The following CNTNAP2 variants were observed in gnomAD, a reference collection of about 807,000 sequenced individuals.
CNTNAP2 encodes contactin-associated protein-like 2.
A neutral mutation model predicts 155.2 loss-of-function variants in CNTNAP2; 98 were observed. The ratio of observed to expected loss-of-function variants is 0.63; its 90% CI spans 0.54 to 0.75. The LOEUF (loss-of-function observed/expected upper bound fraction) is 0.75. Ranked by LOEUF, CNTNAP2 falls within the 30% of genes least tolerant of loss-of-function variation. The probability of loss-of-function intolerance (pLI) is 0.00; values close to 1 mark genes in which losing one functional copy is unlikely to be tolerated. For missense variants in CNTNAP2, 1,727 were observed against 1,688.1 expected, an observed-to-expected ratio of 1.02 and a Z score of -0.40; for synonymous variants, 651 against 631.2, an observed-to-expected ratio of 1.03 and a Z score of -0.47.
At chr7:147,732,759 GT>G (rs1796766133) in intron 13 of CNTNAP2, among the ~76,000 whole-genome samples, 1 of 152,146 alleles carries the variant, frequency 6.6e-6, no homozygotes, top group Non-Finnish European at 1.5e-5. Flanking sequence ...TCTCATTGTG[GT>G]TTTGATTTGC....
chr7:148,413,401 A>AAAAAAAAAT (rs1442990213), intron 23 of CNTNAP2, among the ~76,000 whole-genome samples: 2 of 45,376 alleles, frequency 4.4e-5, no homozygotes, highest in African/African-American at 2.5e-4. Context: ...TCAAAAAAAA[A>AAAAAAAAAT]ATATATATAT....
intron 13 of CNTNAP2, among the ~76,000 whole-genome samples, chr7:147,688,404 T>C (rs147158438): frequency 0.016 from 2,507 of 152,280 alleles, 223 homozygotes; most frequent in Admixed American, 0.15. Context: ...GCATGCATGC[T>C]AACTTCACAT....
rs58497683 is a variant in CNTNAP2, at chr7:146,439,347, C to CA, written c.97+322375dup. ...GCCACTAACTTCTTTGACATGAAAA[C>CA]ATTTCTTATTCTTTATTTCTCATAC... On this transcript the variant is annotated intron_variant, in intron 1 of 23. Coordinates refer to ENST00000361727, the MANE Select transcript of CNTNAP2 (RefSeq NM_014141.6). Among the ~76,000 whole-genome samples, 11 of 151,592 alleles carry CA rather than the reference C, an allele frequency of 7.3e-5. No homozygotes were observed. In the South Asian group the frequency reaches 2.3e-3, roughly 31 times the overall value.
At chr7:148,411,781 G>GT (rs1322993622) in intron 23 of CNTNAP2, among the ~76,000 whole-genome samples, 4 of 92,796 alleles carry the variant, frequency 4.3e-5, no homozygotes, top group South Asian at 4.0e-4. Flanking sequence ...AAGACCATTT[G>GT]TTGAAAAAAA....
At chr7:146,597,036 C>T (rs992325230) in intron 1 of CNTNAP2, among the ~76,000 whole-genome samples, 1 of 151,812 alleles carries the variant, frequency 6.6e-6, no homozygotes. Context: ...TCAAAAATAA[C>T]CAGGAAAAAA....
At chr7:147,319,509 C>G (rs2116816676) in intron 9 of CNTNAP2, among the ~76,000 whole-genome samples, 1 of 152,266 alleles carries the variant, frequency 6.6e-6, no homozygotes, top group East Asian at 1.9e-4. Context: ...TCCCTAGTAG[C>G]TGGGACTATA....
At chr7:146,622,606 C>T (rs1799346838) in intron 1 of CNTNAP2, among the ~76,000 whole-genome samples, 1 of 152,054 alleles carries the variant, frequency 6.6e-6, no homozygotes, top group South Asian at 2.1e-4. Flanking sequence ...ATTACCATGT[C>T]AATCATTCTA....
At chr7:147,590,466 T>C (rs1276940514) in intron 12 of CNTNAP2, among the ~76,000 whole-genome samples, 2 of 152,180 alleles carry the variant, frequency 1.3e-5, no homozygotes, top group Non-Finnish European at 2.9e-5. Context: ...TCATTCTCTC[T>C]CCTGCTGCCC....
At chr7:148,090,106 C>T (rs1803810001) in intron 15 of CNTNAP2, among the ~76,000 whole-genome samples, 1 of 151,776 alleles carries the variant, frequency 6.6e-6, no homozygotes, top group Non-Finnish European at 1.5e-5. Flanking sequence ...AAATCAATTC[C>T]AAATGAATTA....
chr7:146,663,466 G>T (rs549130198), intron 1 of CNTNAP2, among the ~76,000 whole-genome samples: 2 of 151,360 alleles, frequency 1.3e-5, no homozygotes, highest in Non-Finnish European at 2.9e-5. Flanking sequence ...GTATAATTCA[G>T]TTTGGAGGAT....
At chr7:146,337,624 TTTTG>T (rs1554418973) in intron 1 of CNTNAP2, among the ~76,000 whole-genome samples, 4 of 151,634 alleles carry the variant, frequency 2.6e-5, no homozygotes, top group Admixed American at 1.3e-4. Context: ...TACCTGGCTT[TTTTG>T]TTTGTTTGTT....
At chr7:146,991,296 A>G (rs1798203957) in intron 3 of CNTNAP2, among the ~76,000 whole-genome samples, 1 of 152,154 alleles carries the variant, frequency 6.6e-6, no homozygotes, top group Non-Finnish European at 1.5e-5. Context: ...GATTGAAATC[A>G]GTTCATAATG....
intron 1 of CNTNAP2, among the ~76,000 whole-genome samples, chr7:146,198,526 T>A (rs192646865): frequency 8.5e-4 from 130 of 152,296 alleles, no homozygotes; most frequent in Middle Eastern, 6.8e-3. Flanking sequence ...GGCAGTCTTA[T>A]TAGCTTTAAC....
intron 12 of CNTNAP2, among the ~76,000 whole-genome samples, chr7:147,565,519 G>A (rs1023543029): frequency 1.3e-5 from 2 of 152,136 alleles, no homozygotes; most frequent in African/African-American, 2.4e-5. Flanking sequence ...CAGCTCTGAA[G>A]CTATTATTGC....
intron 1 of CNTNAP2, among the ~76,000 whole-genome samples, chr7:146,666,578 T>C (rs2129167179): frequency 6.6e-6 from 1 of 152,290 alleles, no homozygotes; most frequent in African/African-American, 2.4e-5. Context: ...CTCTATACTC[T>C]TCTCCACTTT....
chr7:146,519,096 G>A (rs1010504450), intron 1 of CNTNAP2, among the ~76,000 whole-genome samples: 1 of 151,836 alleles, frequency 6.6e-6, no homozygotes, highest in Non-Finnish European at 1.5e-5. Context: ...TGTTCCTTCA[G>A]GAAAATGACT....
At chr7:146,961,505 G>A (rs1034161888) in intron 3 of CNTNAP2, among the ~76,000 whole-genome samples, 3 of 152,148 alleles carry the variant, frequency 2.0e-5, no homozygotes, top group Non-Finnish European at 4.4e-5. Flanking sequence ...TTCTCTCTAA[G>A]GGTAACTTTC....
chr7:148,164,070 G>A (rs1192075856), intron 17 of CNTNAP2, among the ~76,000 whole-genome samples: 1 of 152,142 alleles, frequency 6.6e-6, no homozygotes, highest in Admixed American at 6.5e-5. Flanking sequence ...AACAAGCTGG[G>A]ATTACAGGTG....
At chr7:147,402,439 T>C (rs1407559192) in intron 10 of CNTNAP2, among the ~76,000 whole-genome samples, 2 of 152,208 alleles carry the variant, frequency 1.3e-5, no homozygotes, top group East Asian at 3.9e-4. Flanking sequence ...GGACTTAGGT[T>C]CTGGGATCTG....
Sources: gnomAD v4.1 joint callset for allele counts (sites outside exome capture counted in the v4.1 genomes callset) on GRCh38, gnomAD v4.1.1 for gene constraint, MANE v1.5 for transcripts, NCBI Gene and HGNC (gene_info 2026-07-23, HGNC 2026-07-21) for gene names.